Variants in RGS3 observed in about 807,000 individuals in gnomAD.
The protein encoded by RGS3 is regulator of G-protein signalling 3.
RGS3 carries 80 observed loss-of-function variants against 132.6 expected under a neutral mutation model. That is an observed-to-expected ratio of 0.60 (90% CI 0.50 to 0.73). RGS3 has a LOEUF of 0.73. Among genes scored for constraint, RGS3 ranks in the 30% least tolerant of loss-of-function variants. The pLI is 0.00. For missense variants in RGS3, 1,382 were observed against 1,530.8 expected (o/e 0.90, Z 1.62); for synonymous variants, 598 against 620.6 (o/e 0.96, Z 0.54).
At chr9:113,482,922 C>T (rs1830210264) in intron 4 of RGS3, 137 bp from the exon 3 acceptor site, 1 of 1,532,808 alleles carries the variant, frequency 6.5e-7, no homozygotes, top group African/African-American at 1.4e-5. Flanking sequence ...GGCCATAGCC[C>T]TGCTACTCAC....
At chr9:113,532,434 G>A (rs531013476) in intron 18 of RGS3, among the ~76,000 whole-genome samples, 1 of 152,242 alleles carries the variant, frequency 6.6e-6, no homozygotes, top group South Asian at 2.1e-4. Context: ...ATCTAAGCCA[G>A]CCAGCTCTGC....
At chr9:113,594,058 C>T (rs1392322220) in intron 21 of RGS3, 1 of 1,612,796 alleles carries the variant, frequency 6.2e-7, no homozygotes, top group Non-Finnish European at 8.5e-7. Context: ...TTTTCCGCTC[C>T]CCCTCCTGGT....
rs1429677121 is a variant in RGS3, at chr9:113,591,436, C to A, written c.3080+39C>A. 6.3e-7 allele frequency: 1 copy of A among 1,576,616 alleles called. No individual in the cohort carries two copies. The highest frequency in any genetic ancestry group is 2.2e-5 in the East Asian group (1 of 44,718). On this transcript the variant is annotated intron_variant, in intron 21 of 24. Transcript: ENST00000350696. The surrounding 1 kb of genome is among the most constrained non-coding windows in gnomAD (Gnocchi z 4.4). ...ATCCCTGGCTTCTGCGCTCCTCTTC[C>A]TCCCTTGCCCCAGGGCTTGTCTCTC... is the stretch of plus-strand genomic sequence containing the variant.
At chr9:113,593,824 A>G (rs1481533862) in intron 21 of RGS3, 9 of 1,240,874 alleles carry the variant, frequency 7.3e-6, no homozygotes, top group Non-Finnish European at 9.1e-6. Context: ...CAGTCCTGCC[A>G]CCCCGGTGGT....
intron 1 of RGS3, among the ~76,000 whole-genome samples, chr9:113,447,773 C>G (rs1431179593): frequency 6.6e-6 from 1 of 151,448 alleles, no homozygotes; most frequent in African/African-American, 2.4e-5. Flanking sequence ...CTATCCACTT[C>G]TCTCTGCTTT....
At chr9:113,594,272 C>T in intron 21 of RGS3, 158 bp from the exon 20 acceptor site, 1 of 1,607,544 alleles carries the variant, frequency 6.2e-7, no homozygotes. Flanking sequence ...GGGGGCCCTA[C>T]AGAGATGCTC....
In RGS3 at chr9:113,507,221, C is replaced by T; in HGVS notation, c.1086-66C>T. 7.6e-7 allele frequency: 1 copy of T among 1,315,668 alleles called. No homozygotes were observed. Among genetic ancestry groups the T allele is most frequent in the Non-Finnish European group, 1.1e-6 (1 of 945,004 alleles). 81.5% of individuals were successfully genotyped at this position (1,315,668 alleles called of 1,614,324 possible). Reference sequence around the variant, plus strand: ...CCCATTATCCTCTCTGCCCTGTGGGCCCTCACTCTGGCTGATACTGGCTTT... The same window carrying T: ...CCCATTATCCTCTCTGCCCTGTGGGTCCTCACTCTGGCTGATACTGGCTTT... On this transcript the variant is annotated intron_variant, in intron 12 of 24. Coordinates refer to ENST00000350696, the Ensembl canonical transcript of RGS3. This position sits in a 1 kb window ranked among gnomAD's most constrained non-coding sequence, Gnocchi z 5.0.
At chr9:113,478,244 T>C (rs1830055689) in intron 3 of RGS3, among the ~76,000 whole-genome samples, 1 of 152,142 alleles carries the variant, frequency 6.6e-6, no homozygotes, top group Non-Finnish European at 1.5e-5. Context: ...GCTCTTTCTC[T>C]TCCTCCCCTC....
chr9:113,584,488 G>T, intron 20 of RGS3, 61 bp downstream of exon 18: 1 of 1,462,192 alleles, frequency 6.8e-7, no homozygotes, highest in Non-Finnish European at 9.0e-7. Context: ...CTGGCCCAGG[G>T]GCTGCAGGGA....
chr9:113,543,158 A>G (rs925600713), intron 19 of RGS3, among the ~76,000 whole-genome samples: 64 of 152,246 alleles, frequency 4.2e-4, no homozygotes, highest in African/African-American at 1.5e-3. Flanking sequence ...GCATAGGAAA[A>G]GAGGGTCAGA....
At chr9:113,594,241 C>A in intron 21 of RGS3, 189 bp from the exon 20 acceptor site, 6 of 1,612,598 alleles carry the variant, frequency 3.7e-6, no homozygotes, top group Non-Finnish European at 5.1e-6. Context: ...CTCCTACAGA[C>A]CAATCTGCGG....
At chr9:113,538,163 C>T (rs572095132) in intron 19 of RGS3, among the ~76,000 whole-genome samples, 11 of 152,318 alleles carry the variant, frequency 7.2e-5, no homozygotes, top group South Asian at 4.1e-4. Flanking sequence ...GGTGCATATA[C>T]GGGCTATAGC....
At chr9:113,464,888 A>C (rs968977922) in intron 3 of RGS3, among the ~76,000 whole-genome samples, 1 of 152,134 alleles carries the variant, frequency 6.6e-6, no homozygotes. Flanking sequence ...ACTCCTGCTC[A>C]ACATATTTGG....
chr9:113,450,392 G>T (rs1008230117), intron 1 of RGS3, among the ~76,000 whole-genome samples: 6 of 152,206 alleles, frequency 3.9e-5, no homozygotes, highest in African/African-American at 1.4e-4. Flanking sequence ...TTTAAAGCAT[G>T]TGCCAGGCCC....
At chr9:113,511,825 G>T (rs1369283557) in intron 14 of RGS3, among the ~76,000 whole-genome samples, 2 of 151,946 alleles carry the variant, frequency 1.3e-5, no homozygotes, top group Admixed American at 1.3e-4. Context: ...GTCCTGCATG[G>T]TTTTGCCTTC....
At chr9:113,466,901 A>G (rs1588135435) in intron 3 of RGS3, among the ~76,000 whole-genome samples, 1 of 152,102 alleles carries the variant, frequency 6.6e-6, no homozygotes, top group Non-Finnish European at 1.5e-5. Flanking sequence ...CCCGAGCCCA[A>G]AGCAATTGCT....
intron 19 of RGS3, among the ~76,000 whole-genome samples, chr9:113,547,525 T>C (rs1833166414): frequency 6.6e-6 from 1 of 152,218 alleles, no homozygotes; most frequent in Admixed American, 6.5e-5. Flanking sequence ...ATTGAACTCT[T>C]TTGTTTCAAC....
intron 3 of RGS3, among the ~76,000 whole-genome samples, chr9:113,471,061 AAAAAATCTTTGTTCGT>A (rs1223614658): frequency 6.6e-6 from 1 of 152,142 alleles, no homozygotes; most frequent in Admixed American, 6.5e-5. Context: ...ATTTTCCTTC[AAAAAATCTTTGTTCGT>A]TTGTCAGGTG....
At chr9:113,569,794 G>T (rs566438176) in intron 19 of RGS3, among the ~76,000 whole-genome samples, 4 of 152,276 alleles carry the variant, frequency 2.6e-5, no homozygotes, top group South Asian at 2.1e-4. Context: ...GAGGCATGGG[G>T]TGGGGAGGGG....
Sources: gnomAD v4.1 joint callset for allele counts (sites outside exome capture counted in the v4.1 genomes callset) on GRCh38, gnomAD v4.1.1 for gene constraint, Gnocchi (gnomAD v3.1) non-coding constraint, MANE v1.5 for transcripts, NCBI Gene and HGNC (gene_info 2026-07-23, HGNC 2026-07-21) for gene names.